The following KRT2 variants were observed in gnomAD, a reference collection of about 807,000 sequenced individuals.
The protein encoded by KRT2 is keratin 2.
In KRT2, 37 loss-of-function variants were observed where a neutral mutation model predicts 48.5. The observed-to-expected ratio is 0.76, with a 90% confidence interval of 0.59 to 1.00. The LOEUF (loss-of-function observed/expected upper bound fraction) is 1.00. KRT2 is among the 50% of genes least tolerant of loss of function. KRT2 has a pLI of 0.00. For missense variants in KRT2, 880 were observed against 815.2 expected (o/e 1.08, Z -0.97); for synonymous variants, 324 against 312.2 (o/e 1.04, Z -0.40).
chr12:52,644,853 A>C lies in KRT2; in HGVS notation c.*166T>G. ...GGCTCTAACTAACTGGTTTGGAGAG[A>C]AGATCTTTCAAAAACTGTATGTGGA... On this transcript the variant is annotated 3_prime_UTR_variant, in exon 9 of 9. Transcript: ENST00000309680. The C allele has an allele frequency of 2.8e-6, 2 of 715,066 alleles. No homozygotes were observed. Among genetic ancestry groups the C allele is most frequent in the African/African-American group, 1.8e-5 (1 of 56,286 alleles). 44.3% of individuals were successfully genotyped at this position (715,066 alleles called of 1,614,324 possible). A position where few individuals can be genotyped will look rare whatever the true frequency, so the allele number is the denominator to read the frequency against.
intron 5 of KRT2, 134 bp downstream of exon 5, chr12:52,648,039 A>G (rs1941194690): frequency 8.0e-7 from 1 of 1,245,248 alleles, no homozygotes; most frequent in Admixed American, 1.7e-5. Flanking sequence ...GCCATTCTCA[A>G]CATCCTTTCT....
In KRT2 at chr12:52,651,887, C is replaced by A. The variant is rs779847057; in HGVS notation, c.256G>T (p.Ala86Ser). ...VAGGGGGFGA[A>S]GGFGGRGGGF... is the part of the protein sequence containing the mutation. ...CCTCCTCTGCCACCAAATCCACCAG[C>A]GGCGCCAAAGCCACCACCTCCTCCA... Residue 86 changes from alanine (A) to serine (S), a missense_variant, in exon 1 of 9, where the codon GCT becomes TCT. By Grantham distance (99) the Ala-to-Ser change is moderately conservative (BLOSUM62 1). Transcript: ENST00000309680. 6.3e-7 allele frequency: 1 copy of A among 1,578,848 alleles called. No individual in the cohort carries two copies. Among genetic ancestry groups the A allele is most frequent in the Admixed American group, 1.7e-5 (1 of 57,834 alleles).
Position 52,646,657 on chromosome 12 carries a change from T to C in KRT2, c.1469+83A>G, listed in dbSNP as rs941048731. 3.3e-6 allele frequency: 5 copies of C among 1,498,078 alleles called. No homozygotes were observed. In the African/African-American group the frequency reaches 6.9e-5, roughly 21 times the overall value. The allele number at this position is 1,498,078 out of a possible 1,614,324, so 92.8% of individuals were successfully genotyped here. ...GGAGGGCCTGCCCCATTCTCTGCTT[T>C]CCCTGTCTTTGCCTCCAGCCCTGGC... On this transcript the variant is annotated intron_variant, in intron 7 of 8. Coordinates refer to ENST00000309680, the MANE Select transcript of KRT2 (RefSeq NM_000423.3).
chr12:52,647,944 G>C, intron 5 of KRT2, 89 bp from the exon 6 acceptor site: 1 of 1,545,426 alleles, frequency 6.5e-7, no homozygotes, highest in Non-Finnish European at 8.9e-7. Flanking sequence ...GCTGGTTACT[G>C]GTCCAGGGAG....
chr12:52,645,349 TCCTCCGGAACTGGACCCTCTA>T lies in KRT2; in HGVS notation c.1569_1589del (p.Arg524_Gly530del). ...AACTGCTGCTTCCAGAGCTGTATCC[TCCTCCGGAACTGGACCCTCTA>T]CCTCCAGAACCTCCAAAGGCAGCCT... is the stretch of plus-strand genomic sequence containing the variant. On this transcript the variant is annotated inframe_deletion, in exon 9 of 9. Coordinates refer to ENST00000309680, the MANE Select transcript of KRT2 (RefSeq NM_000423.3). The T allele has an allele frequency of 6.2e-7, 1 of 1,614,136 alleles. No individual in the cohort carries two copies. The highest frequency in any genetic ancestry group is 8.5e-7 in the Non-Finnish European group (1 of 1,180,028).
rs2120939768 is a variant in KRT2, at chr12:52,646,721, C to G, written c.1469+19G>C. 1 of 1,613,646 alleles carries G rather than the reference C, an allele frequency of 6.2e-7. No homozygotes were observed. The highest frequency in any genetic ancestry group is 1.1e-5 in the South Asian group (1 of 91,066). On this transcript the variant is annotated intron_variant, in intron 7 of 8. Coordinates refer to ENST00000309680, the MANE Select transcript of KRT2 (RefSeq NM_000423.3). ...AGAGGAAGGGCCAGGGTCCCCTTCT[C>G]CCTTCCCAGTGCCCTCACCTGCACT...
At chr12:52,650,610 G>T in intron 1 of KRT2, 57 bp from the exon 2 acceptor site, 1 of 1,440,074 alleles carries the variant, frequency 6.9e-7, no homozygotes, top group Non-Finnish European at 9.8e-7. Flanking sequence ...CACCAAGCAA[G>T]CCACGCTGGC....
chr12:52,647,043 C>T lies in KRT2; in HGVS notation c.1249-83G>A, dbSNP rs918469617. 4.0e-5 allele frequency: 51 copies of T among 1,288,498 alleles called. No homozygotes were observed. In the Admixed American group the frequency reaches 6.9e-4, roughly 18 times the overall value. The allele number at this position is 1,288,498 out of a possible 1,614,324, so 79.8% of individuals were successfully genotyped here. The stretch of plus-strand genomic sequence containing the variant: ...GTGTTCGAAGTGCAGGAAGCCAGAA[C>T]CACTGGCCCTGGGAGTGTTAGGTCC... On this transcript the variant is annotated intron_variant, in intron 6 of 8. Transcript: ENST00000309680.
Position 52,648,333 on chromosome 12 carries a change from A to G in KRT2, c.962T>C (p.Ile321Thr). 6.2e-7 allele frequency: 1 copy of G among 1,613,962 alleles called. No individual in the cohort carries two copies. Among genetic ancestry groups the G allele is most frequent in the Non-Finnish European group, 8.5e-7 (1 of 1,179,860 alleles). The change falls in exon 5 of 9, where the codon ATA (isoleucine) becomes ACA (threonine). Residue 321 changes from isoleucine (I) to threonine (T), a missense_variant. Ile to Thr is a moderately conservative substitution (Grantham distance 89). Coordinates refer to ENST00000309680, the MANE Select transcript of KRT2 (RefSeq NM_000423.3). Reference protein sequence around the residue: ...EFLKVLYDAEISQIHQSVTDT... With the variant: ...EFLKVLYDAETSQIHQSVTDT... Reference sequence around the variant, plus strand: ...AGTGACACTCTGATGTATCTGGGATATCTCCTACAACACACAGGAAGGTCT... The same window carrying G: ...AGTGACACTCTGATGTATCTGGGATGTCTCCTACAACACACAGGAAGGTCT...
intron 1 of KRT2, among the ~76,000 whole-genome samples, chr12:52,650,965 A>T (rs1355383381): frequency 2.0e-5 from 3 of 152,216 alleles, no homozygotes; most frequent in Non-Finnish European, 4.4e-5. Flanking sequence ...AGGGCTCCTC[A>T]GCCTGATTTT....
chr12:52,646,997 G>A lies in KRT2; in HGVS notation c.1249-37C>T, dbSNP rs150349973. 731 of 1,582,276 alleles carry A rather than the reference G, an allele frequency of 4.6e-4. 2 individuals are homozygous for A. The African/African-American group carries it at 8.1e-3, about 18-fold the overall frequency. On this transcript the variant is annotated intron_variant, in intron 6 of 8. Coordinates refer to ENST00000309680, the MANE Select transcript of KRT2 (RefSeq NM_000423.3). ...GGACAGAGAATGGATTCTGCCTGAC[G>A]GAGGCGGACAGAGAGCAGAGGTGTT...
Position 52,645,006 on chromosome 12 carries a change from T to G in KRT2, c.*13A>C, listed in dbSNP as rs200686080. ...TCTGGGTTGGGAGAGTCGGTGGTGG[T>G]GGGGGCTCATCTTTATCTAAAAGAG... On this transcript the variant is annotated 3_prime_UTR_variant, in exon 9 of 9. Transcript: ENST00000309680. The G allele has an allele frequency of 3.9e-4, 633 of 1,613,932 alleles. No individual in the cohort carries two copies. The highest frequency in any genetic ancestry group is 3.8e-3 in the African/African-American group (285 of 74,986).
chr12:52,645,650 A>G (rs371636111), intron 7 of KRT2, 81 bp from the exon 8 acceptor site: 450 of 1,440,218 alleles, frequency 3.1e-4, no homozygotes, highest in Non-Finnish European at 4.3e-4. Flanking sequence ...TCCACCCGCA[A>G]ATGTGCAGTT....
chr12:52,651,521 C>G (rs1468723752), intron 1 of KRT2, 37 bp downstream of exon 1: 1 of 1,463,936 alleles, frequency 6.8e-7, no homozygotes, highest in Admixed American at 1.7e-5. Flanking sequence ...AGTGAAGTGG[C>G]CTGAGCATCA....
Position 52,645,071 on chromosome 12 carries a change from T to C in KRT2, c.1868A>G (p.Lys623Arg), listed in dbSNP as rs754084909. 7 of 1,613,906 alleles carry C rather than the reference T, an allele frequency of 4.3e-6. No individual in the cohort carries two copies. The highest frequency in any genetic ancestry group is 5.9e-6 in the Non-Finnish European group (7 of 1,180,016). The change falls in exon 9 of 9, where the codon AAG becomes AGG. Residue 623 changes from lysine (K) to arginine (R), a missense_variant. Transcript: ENST00000309680. ...ACCAAAAGCTTCACCTGAGCTACCC[T>C]TTACAGAGCTAGAACCCCCACCTCC... ...GSGGGGSSSV[K>R]GSSGEAFGSS...
Position 52,651,908 on chromosome 12 carries a change from C to G in KRT2, c.235G>C (p.Gly79Arg), listed in dbSNP as rs201527110. 1.9e-6 allele frequency: 3 copies of G among 1,613,954 alleles called. No individual in the cohort carries two copies. Among genetic ancestry groups the G allele is most frequent in the East Asian group, 4.5e-5 (2 of 44,876 alleles). ...TKSISISVAG[G>R]GGGFGAAGGF... ...CCAGCGGCGCCAAAGCCACCACCTC[C>G]TCCAGCCACACTAATGGAGATGCTC... Residue 79 changes from glycine to arginine, a missense_variant, in exon 1 of 9, where the codon GGA becomes CGA. Coordinates refer to ENST00000309680, the MANE Select transcript of KRT2 (RefSeq NM_000423.3).
At chr12:52,650,892 A>C (rs894375561) in intron 1 of KRT2, among the ~76,000 whole-genome samples, 2 of 152,140 alleles carry the variant, frequency 1.3e-5, no homozygotes, top group Admixed American at 1.3e-4. Flanking sequence ...TCTGGGGAAA[A>C]CCGAAAGCAG....
rs766275520 is a variant in KRT2, at chr12:52,651,941, C to T, written c.202G>A (p.Gly68Arg). The T allele has an allele frequency of 6.2e-6, 10 of 1,613,940 alleles. No homozygotes were observed. The highest frequency in any genetic ancestry group is 1.3e-5 in the African/African-American group (1 of 74,904). ...ACACTAATGGAGATGCTCTTGGTCC[C>T]TCCAAGGCCAACAAGACTCCGACTG... The part of the protein sequence containing the change: ...FGSRSLVGLG[G>R]TKSISISVAG... Residue 68 changes from glycine to arginine, a missense_variant, in exon 1 of 9, where the codon GGG becomes AGG. Transcript: ENST00000309680.
chr12:52,648,508 G>A (rs193268613), intron 4 of KRT2, among the ~76,000 whole-genome samples, 171 bp from the exon 5 acceptor site: 1 of 152,272 alleles, frequency 6.6e-6, no homozygotes, highest in Non-Finnish European at 1.5e-5. Flanking sequence ...GTTGTCCTGA[G>A]AATTGTAGTG....
Sources: gnomAD v4.1 joint callset for allele counts (sites outside exome capture counted in the v4.1 genomes callset) on GRCh38, gnomAD v4.1.1 for gene constraint, MANE v1.5 for transcripts, NCBI Gene and HGNC (gene_info 2026-07-23, HGNC 2026-07-21) for gene names.